NRG3: variants seen among roughly 807,000 people sequenced by gnomAD.
NRG3 encodes pro-neuregulin-3, membrane-bound isoform.
A neutral mutation model predicts 66.9 loss-of-function variants in NRG3; 31 were observed. The ratio of observed to expected loss-of-function variants is 0.46; its 90% CI spans 0.35 to 0.63. The LOEUF is 0.63. Ranked by LOEUF, NRG3 falls within the 20% of genes least tolerant of loss-of-function variation. The pLI is 0.00. For missense variants in NRG3, 910 were observed against 878.9 expected, an observed-to-expected ratio of 1.04 and a Z score of -0.45; for synonymous variants, 393 against 359.4, an observed-to-expected ratio of 1.09 and a Z score of -1.06.
At chr10:82,927,505 C>T (rs1409098851) in intron 4 of NRG3, among the ~76,000 whole-genome samples, 1 of 152,114 alleles carries the variant, frequency 6.6e-6, no homozygotes, top group South Asian at 2.1e-4. Flanking sequence ...GCCCCCACCC[C>T]CTGACAGGCC....
intron 2 of NRG3, among the ~76,000 whole-genome samples, chr10:82,489,709 C>T (rs529851823): frequency 6.6e-6 from 1 of 152,276 alleles, no homozygotes; most frequent in East Asian, 1.9e-4. Flanking sequence ...ATTTATTTCA[C>T]ACTTGATATA....
chr10:82,950,698 G>A (rs1398321556), intron 4 of NRG3, among the ~76,000 whole-genome samples: 1 of 152,148 alleles, frequency 6.6e-6, no homozygotes, highest in Non-Finnish European at 1.5e-5. Flanking sequence ...GACAAGACGA[G>A]GATAATTAAC....
chr10:82,814,570 G>A (rs2061626174), intron 3 of NRG3, among the ~76,000 whole-genome samples: 2 of 152,098 alleles, frequency 1.3e-5, no homozygotes, highest in Non-Finnish European at 2.9e-5. Flanking sequence ...CTCCCATGAT[G>A]CCTCTATAGT....
At chr10:82,060,167 CTG>C (rs1174064484) in intron 1 of NRG3, among the ~76,000 whole-genome samples, 7 of 152,352 alleles carry the variant, frequency 4.6e-5, no homozygotes, top group African/African-American at 1.7e-4. Flanking sequence ...TTCTCACAGT[CTG>C]TTGCTATAGT....
intron 1 of NRG3, among the ~76,000 whole-genome samples, chr10:81,916,187 G>A (rs1372103943): frequency 6.6e-6 from 1 of 152,010 alleles, no homozygotes; most frequent in African/African-American, 2.4e-5. Flanking sequence ...TATGGCTAGT[G>A]GGGACCATGT....
rs534991895 is a variant in NRG3 at position 82,290,696 on chromosome 10, G to A, written c.824-68043G>A. Among the ~76,000 whole-genome samples the A allele has an allele frequency of 1.1e-4, 16 of 151,304 alleles. 1 individual carries two copies. The South Asian group carries it at 1.7e-3, about 16-fold the overall frequency. ...GTCACCCAGGCTAGAGTGCAGTGGC[G>A]CGATCTCGGCTCACTGCAACCTCCG... On this transcript the variant is annotated intron_variant, in intron 1 of 8. Coordinates refer to ENST00000372141, the MANE Select transcript of NRG3 (RefSeq NM_001010848.4).
chr10:82,664,449 A>G (rs916457734), intron 2 of NRG3, among the ~76,000 whole-genome samples: 2 of 152,180 alleles, frequency 1.3e-5, no homozygotes, highest in Non-Finnish European at 2.9e-5. Flanking sequence ...TCTTTTAATT[A>G]TTGGGGAAAA....
intron 3 of NRG3, among the ~76,000 whole-genome samples, chr10:82,787,219 C>G (rs557123434): frequency 6.6e-6 from 1 of 152,148 alleles, no homozygotes; most frequent in Admixed American, 6.5e-5. Context: ...ATTTTACAGC[C>G]TCCTTTACTT....
intron 3 of NRG3, among the ~76,000 whole-genome samples, chr10:82,826,740 AG>A (rs2062230839): frequency 6.6e-6 from 1 of 152,182 alleles, no homozygotes; most frequent in South Asian, 2.1e-4. Context: ...TGGGAACAAC[AG>A]ACACTGGGCC....
chr10:82,158,880 G>A (rs745511249), intron 1 of NRG3, among the ~76,000 whole-genome samples: 2 of 151,796 alleles, frequency 1.3e-5, no homozygotes, highest in Non-Finnish European at 2.9e-5. Context: ...AATCTTTCAT[G>A]GGGATTAGTT....
At chr10:82,399,309 A>G (rs913428129) in intron 2 of NRG3, among the ~76,000 whole-genome samples, 5 of 152,320 alleles carry the variant, frequency 3.3e-5, no homozygotes, top group South Asian at 4.1e-4. Flanking sequence ...GGGCACATGT[A>G]AATAAATAAA....
chr10:82,688,701 G>T (rs2054692275), intron 2 of NRG3, among the ~76,000 whole-genome samples: 2 of 151,158 alleles, frequency 1.3e-5, no homozygotes, highest in African/African-American at 4.9e-5. Context: ...ATTTTATTAG[G>T]TAGCAGTTTT....
chr10:81,936,888 A>G (rs1049411398), intron 1 of NRG3, among the ~76,000 whole-genome samples: 4 of 152,320 alleles, frequency 2.6e-5, no homozygotes, highest in African/African-American at 7.2e-5. Context: ...TGTCATGTGT[A>G]CAGTACACTA....
chr10:82,656,636 C>G (rs1219502475), intron 2 of NRG3, among the ~76,000 whole-genome samples: 4 of 152,068 alleles, frequency 2.6e-5, no homozygotes. Flanking sequence ...ACCATTTGCC[C>G]AGGTCTAAGC....
At chr10:82,090,545 A>T (rs1174625759) in intron 1 of NRG3, among the ~76,000 whole-genome samples, 1 of 152,224 alleles carries the variant, frequency 6.6e-6, no homozygotes. Context: ...TTTTTAATGA[A>T]GCACCAGTCA....
chr10:82,939,595 G>T (rs898466175), intron 4 of NRG3, among the ~76,000 whole-genome samples: 1 of 151,620 alleles, frequency 6.6e-6, no homozygotes, highest in African/African-American at 2.4e-5. Context: ...TCAGCCTTCC[G>T]AGTAGCTGGG....
intron 2 of NRG3, among the ~76,000 whole-genome samples, chr10:82,480,261 T>A (rs1490697930): frequency 6.6e-6 from 1 of 152,200 alleles, no homozygotes; most frequent in African/African-American, 2.4e-5. Context: ...GTGGGAAATA[T>A]CTTAACATTA....
intron 1 of NRG3, chr10:81,877,979 C>G: frequency 6.5e-7 from 1 of 1,537,714 alleles, no homozygotes; most frequent in Non-Finnish European, 8.7e-7. Flanking sequence ...TGGTATACCT[C>G]CAACCCTTGT....
intron 1 of NRG3, among the ~76,000 whole-genome samples, chr10:82,261,851 A>G (rs1261448715): frequency 6.6e-6 from 1 of 151,804 alleles, no homozygotes; most frequent in Admixed American, 6.6e-5. Context: ...TAAATCCACA[A>G]CCTTCAGCGT....
Sources: allele counts gnomAD v4.1 joint callset (sites outside exome capture counted in the v4.1 genomes callset), GRCh38; gene constraint gnomAD v4.1.1; transcripts MANE v1.5; gene names NCBI Gene and HGNC (gene_info 2026-07-23, HGNC 2026-07-21).